SH3PXD2B: variants seen among roughly 807,000 people sequenced by gnomAD.
SH3PXD2B encodes SH3 and PX domain-containing protein 2B.
In SH3PXD2B, 37 loss-of-function variants were observed where a neutral mutation model predicts 73.1. The observed-to-expected ratio is 0.51, with a 90% CI of 0.39 to 0.67. The LOEUF (loss-of-function observed/expected upper bound fraction) is 0.67. Ranked by LOEUF, SH3PXD2B falls within the 30% of genes least tolerant of loss-of-function variation. SH3PXD2B has a pLI of 0.00. For synonymous variants in SH3PXD2B, 457 were observed against 480.5 expected, an observed-to-expected ratio of 0.95 and a Z score of 0.64; for missense variants, 1,053 against 1,197.8, an observed-to-expected ratio of 0.88 and a Z score of 1.78.
At chr5:172,434,792 T>TTTGTTTTTG (rs754618887) in intron 1 of SH3PXD2B, among the ~76,000 whole-genome samples, 1 of 150,646 alleles carries the variant, frequency 6.6e-6, no homozygotes, top group South Asian at 2.1e-4. Flanking sequence ...GTTTTTTTTT[T>TTTGTTTTTG]TTTTTTTTTC....
chr5:172,400,018 T>C (rs544101504), intron 3 of SH3PXD2B, among the ~76,000 whole-genome samples: 1 of 152,282 alleles, frequency 6.6e-6, no homozygotes, highest in South Asian at 2.1e-4. Context: ...GGGTGATAAA[T>C]ACCCCCCTCT....
At chr5:172,345,080 GGGAGGGAAGGAAAGAA>G (rs1756962691) in intron 12 of SH3PXD2B, among the ~76,000 whole-genome samples, 1 of 144,734 alleles carries the variant, frequency 6.9e-6, no homozygotes, top group Non-Finnish European at 1.5e-5. Flanking sequence ...GAAGGAAGGA[GGGAGGGAAGGAAAGAA>G]GGAGGGAAGG....
intron 1 of SH3PXD2B, among the ~76,000 whole-genome samples, chr5:172,438,420 C>T (rs1759443576): frequency 1.3e-5 from 2 of 152,158 alleles, no homozygotes; most frequent in African/African-American, 4.8e-5. Flanking sequence ...CCCCCCAGTG[C>T]CTGGCGACAA....
Position 172,338,528 on chromosome 5 carries a change from G to T in SH3PXD2B, c.2577C>A (p.Ala859=). 1 of 1,614,168 alleles carries T rather than the reference G, an allele frequency of 6.2e-7. No individual in the cohort carries two copies. The highest frequency in any genetic ancestry group is 8.5e-7 in the Non-Finnish European group (1 of 1,180,026). ...GLKDSLYVAV[A]DFEGDKDTSS... ...TGGTGTCTTTGTCTCCTTCAAAGTC[G>T]GCCACGGCCACATACAAAGAGTCCT... The change falls in exon 13 of 13, where the codon GCC becomes GCA. Residue 859 remains alanine, a synonymous_variant. Coordinates refer to ENST00000311601, the MANE Select transcript of SH3PXD2B (RefSeq NM_001017995.3). The surrounding 1 kb of genome is among the most constrained non-coding windows in gnomAD (Gnocchi z 5.1).
intron 1 of SH3PXD2B, among the ~76,000 whole-genome samples, chr5:172,446,715 T>C (rs924273326): frequency 3.9e-5 from 6 of 152,200 alleles, no homozygotes; most frequent in Non-Finnish European, 8.8e-5. Context: ...ACCTCTAACC[T>C]GGATGACGTT....
intron 1 of SH3PXD2B, among the ~76,000 whole-genome samples, chr5:172,426,191 A>G (rs1227513976): frequency 1.3e-5 from 2 of 152,204 alleles, no homozygotes; most frequent in Non-Finnish European, 2.9e-5. Context: ...GTTTATTGGA[A>G]TCAACCCCTG....
rs1056132842 is a variant in SH3PXD2B, at chr5:172,338,280, G to A, written c.*89C>T. ...CCAGAGTCTGTCTGCCTTGGAAGCT[G>A]CGTGGAGAATGATAAATTAAGAGGC... On this transcript the variant is annotated 3_prime_UTR_variant, in exon 13 of 13. Transcript: ENST00000311601. The surrounding 1 kb of genome is among the most constrained non-coding windows in gnomAD (Gnocchi z 5.1). 4 of 1,607,922 alleles carry A rather than the reference G, an allele frequency of 2.5e-6. No individual in the cohort carries two copies. The highest frequency in any genetic ancestry group is 2.7e-5 in the African/African-American group (2 of 74,794).
At chr5:172,453,233 C>T (rs1384365786) in intron 1 of SH3PXD2B, among the ~76,000 whole-genome samples, 1 of 152,154 alleles carries the variant, frequency 6.6e-6, no homozygotes, top group Admixed American at 6.5e-5. Context: ...TTTTTTCCCT[C>T]CCTCTTACTC....
rs563602610 is a variant in SH3PXD2B, at chr5:172,356,379, C to T, written c.668-2374G>A. Among the ~76,000 whole-genome samples, 4 of 152,306 alleles carry T rather than the reference C, an allele frequency of 2.6e-5. No individual in the cohort carries two copies. The South Asian group carries it at 6.2e-4, about 24-fold the overall frequency. On this transcript the variant is annotated intron_variant, in intron 8 of 12. Transcript: ENST00000311601. ...AATACACTTCCCCTTTTGCTTAACC[C>T]GGTTTACATGGATTTCTTTCCCTTG...
chr5:172,422,614 G>A, intron 1 of SH3PXD2B, 118 bp from the exon 2 acceptor site: 1 of 903,260 alleles, frequency 1.1e-6, no homozygotes, highest in Non-Finnish European at 1.8e-6. Context: ...CCTTAGCTCT[G>A]CCAATGACTG....
intron 5 of SH3PXD2B, among the ~76,000 whole-genome samples, chr5:172,378,042 G>C (rs2113363024): frequency 6.6e-6 from 1 of 151,094 alleles, no homozygotes; most frequent in African/African-American, 2.5e-5. Context: ...GGCTGCCTCT[G>C]CCACCAAAGA....
intron 4 of SH3PXD2B, among the ~76,000 whole-genome samples, chr5:172,383,952 T>C (rs1478611139): frequency 6.6e-6 from 1 of 152,002 alleles, no homozygotes; most frequent in Non-Finnish European, 1.5e-5. Context: ...GTTCAAGTGA[T>C]TCCCCAGCCT....
chr5:172,442,839 G>A (rs1446746663), intron 1 of SH3PXD2B, among the ~76,000 whole-genome samples: 1 of 152,130 alleles, frequency 6.6e-6, no homozygotes, highest in African/African-American at 2.4e-5. Flanking sequence ...TGTAGAAGAG[G>A]AAACTGAAGC....
chr5:172,409,378 G>A (rs1207207785), intron 2 of SH3PXD2B, among the ~76,000 whole-genome samples: 3 of 151,988 alleles, frequency 2.0e-5, no homozygotes, highest in African/African-American at 7.3e-5. Flanking sequence ...GCAAAACTCT[G>A]TCTCAAAACA....
Position 172,449,334 on chromosome 5 carries a change from C to T in SH3PXD2B, c.75+4944G>A, listed in dbSNP as rs957432249. ...TGACCCATCCAAGGTCAGTCAGCTC[C>T]GTGGTGGAATCACAGGATCCCCCTA... On this transcript the variant is annotated intron_variant, in intron 1 of 12. Transcript: ENST00000311601. 5.9e-5 allele frequency among the ~76,000 whole-genome samples: 9 copies of T among 152,164 alleles called. No homozygotes were observed. The South Asian group carries it at 1.4e-3, about 24-fold the overall frequency.
chr5:172,341,125 G>C (rs553279803), intron 12 of SH3PXD2B, among the ~76,000 whole-genome samples: 3 of 152,310 alleles, frequency 2.0e-5, no homozygotes, highest in African/African-American at 4.8e-5. Context: ...ATTCACACAG[G>C]TGAAAGGTGT....
intron 3 of SH3PXD2B, among the ~76,000 whole-genome samples, chr5:172,404,765 A>G (rs1295731605): frequency 1.3e-5 from 2 of 152,150 alleles, no homozygotes; most frequent in Non-Finnish European, 1.5e-5. Flanking sequence ...TAGTACCATC[A>G]TTATCTCCAA....
chr5:172,366,310 G>T (rs534710234), intron 6 of SH3PXD2B, among the ~76,000 whole-genome samples: 1 of 152,194 alleles, frequency 6.6e-6, no homozygotes, highest in Admixed American at 6.5e-5. Flanking sequence ...GGCAGATCCT[G>T]TAACTGGTCT....
At chr5:172,403,926 G>A (rs1758491348) in intron 3 of SH3PXD2B, among the ~76,000 whole-genome samples, 2 of 152,200 alleles carry the variant, frequency 1.3e-5, no homozygotes, top group Non-Finnish European at 2.9e-5. Context: ...TAACAGATGT[G>A]GAAACTGAGG....
Sources: gnomAD v4.1 joint callset for allele counts (sites outside exome capture counted in the v4.1 genomes callset) on GRCh38, gnomAD v4.1.1 for gene constraint, Gnocchi (gnomAD v3.1) non-coding constraint, MANE v1.5 for transcripts, NCBI Gene and HGNC (gene_info 2026-07-23, HGNC 2026-07-21) for gene names.